The following TMEM132E variants were observed in gnomAD, a reference collection of about 807,000 sequenced individuals.
TMEM132E encodes the protein transmembrane protein 132E.
In TMEM132E, 49 loss-of-function variants were observed where a neutral mutation model predicts 78.5. The ratio of observed to expected loss-of-function variants is 0.62; its 90% confidence interval spans 0.50 to 0.79. The LOEUF (loss-of-function observed/expected upper bound fraction) is 0.79, where lower values mean the gene tolerates loss of function less well. Among genes scored for constraint, TMEM132E ranks in the 30% least tolerant of loss-of-function variants. TMEM132E has a pLI of 0.00. For missense variants in TMEM132E, 1,403 were observed against 1,470.9 expected, an observed-to-expected ratio of 0.95 and a Z score of 0.75; for synonymous variants, 715 against 670.6, an observed-to-expected ratio of 1.07 and a Z score of -1.02.
intron 1 of TMEM132E, among the ~76,000 whole-genome samples, chr17:34,608,256 A>G (rs943899259): frequency 6.6e-6 from 1 of 152,172 alleles, no homozygotes; most frequent in Non-Finnish European, 1.5e-5. Context: ...AGGGATGAAA[A>G]CCAAATATAT....
Position 34,626,786 on chromosome 17 carries a change from G to A in TMEM132E, c.727G>A (p.Gly243Arg). 6.7e-7 allele frequency: 1 copy of A among 1,497,514 alleles called. No individual in the cohort carries two copies. The highest frequency in any genetic ancestry group is 8.9e-7 in the Non-Finnish European group (1 of 1,121,252). 92.8% of individuals were successfully genotyped at this position (1,497,514 alleles called of 1,614,324 possible). ...YYTLHAPDAS[G>R]GCGGSRRGAG... is the part of the protein sequence containing the mutation. ...CACGCTCCACGCCCCTGATGCGTCG[G>A]GGGGCTGCGGGGGCTCCCGCCGGGG... is the stretch of plus-strand genomic sequence containing the variant. Residue 243 changes from glycine (G) to arginine (R), a missense_variant, in exon 2 of 9, where the codon GGG (glycine) becomes AGG (arginine). This residue lies in a region of TMEM132E where 511 missense variants were observed against 499.0 expected (regional missense o/e 1.02). Transcript: ENST00000631683.
chr17:34,638,258 C>G lies in TMEM132E; in HGVS notation c.*26C>G, dbSNP rs751986957. On this transcript the variant is annotated 3_prime_UTR_variant, in exon 9 of 9. Coordinates refer to ENST00000631683, the MANE Select transcript of TMEM132E (RefSeq NM_001304438.2). Reference sequence around the variant, plus strand: ...AGGCGCCAGCCGGAGTAGCAGGGACCCCCCCCCCCAACGGGGTCAGCTCGG... The same window carrying G: ...AGGCGCCAGCCGGAGTAGCAGGGACGCCCCCCCCCAACGGGGTCAGCTCGG... 11 of 1,411,042 alleles carry G rather than the reference C, an allele frequency of 7.8e-6. No individual in the cohort carries two copies. Among genetic ancestry groups the G allele is most frequent in the African/African-American group, 1.6e-5 (1 of 62,142 alleles). The allele number at this position is 1,411,042 out of a possible 1,614,324, so 87.4% of individuals were successfully genotyped here.
chr17:34,637,223 C>T lies in TMEM132E; in HGVS notation c.2216C>T (p.Ala739Val). ...LWLSYSDGTT[A>V]PLSLYSPRDY... ...CTCTCCTACAGTGATGGCACCACAG[C>T]CCCACTCTCCCTCTACAGCCCACGA... The change falls in exon 9 of 9, where the codon GCC (alanine) becomes GTC (valine). Residue 739 changes from alanine to valine, a missense_variant. Around this residue, in one of 3 missense-constraint regions of TMEM132E, gnomAD observed 888 missense variants for 952.8 expected, o/e 0.93. Coordinates refer to ENST00000631683, the MANE Select transcript of TMEM132E (RefSeq NM_001304438.2). The T allele has an allele frequency of 1.2e-6, 2 of 1,612,334 alleles. No homozygotes were observed. Among genetic ancestry groups the T allele is most frequent in the African/African-American group, 1.3e-5 (1 of 75,028 alleles).
chr17:34,636,640 G>T (rs925592614), intron 8 of TMEM132E, among the ~76,000 whole-genome samples: 1 of 152,142 alleles, frequency 6.6e-6, no homozygotes, highest in Non-Finnish European at 1.5e-5. Context: ...CCCGGAGTTA[G>T]GACACGGGTC....
intron 6 of TMEM132E, among the ~76,000 whole-genome samples, chr17:34,633,257 G>C (rs1907411089): frequency 1.3e-5 from 2 of 152,268 alleles, no homozygotes; most frequent in Non-Finnish European, 2.9e-5. Flanking sequence ...AGTCAAGGCA[G>C]GCTTCCTGGA....
intron 1 of TMEM132E, among the ~76,000 whole-genome samples, chr17:34,625,773 A>G (rs1907096546): frequency 6.6e-6 from 1 of 152,220 alleles, no homozygotes; most frequent in Non-Finnish European, 1.5e-5. Context: ...TTTGAGGCAG[A>G]AACAATTTTT....
intron 1 of TMEM132E, among the ~76,000 whole-genome samples, chr17:34,620,367 T>G (rs1906919651): frequency 1.3e-5 from 2 of 152,266 alleles, no homozygotes; most frequent in South Asian, 2.1e-4. Context: ...GTATTATATA[T>G]AGAGGCCCTG....
At chr17:34,584,365 C>T (rs934283082) in intron 1 of TMEM132E, among the ~76,000 whole-genome samples, 13 of 152,212 alleles carry the variant, frequency 8.5e-5, no homozygotes, top group East Asian at 1.9e-4. Context: ...AGGGAGCCTC[C>T]GTAGATTACC....
chr17:34,636,079 A>G lies in TMEM132E; in HGVS notation c.2050A>G (p.Thr684Ala). Residue 684 changes from threonine (T) to alanine (A), a missense_variant, in exon 8 of 9, where the codon ACA becomes GCA. Coordinates refer to ENST00000631683, the MANE Select transcript of TMEM132E (RefSeq NM_001304438.2). ...LTVTEEKVSI[T>A]QLQAQVVASL... ...GGTGACTGAGGAGAAGGTCAGCATCACACAGCTTCAGGCCCAGGTGGTGGC... is the reference window on the plus strand; with the variant it reads ...GGTGACTGAGGAGAAGGTCAGCATCGCACAGCTTCAGGCCCAGGTGGTGGC... The G allele has an allele frequency of 1.9e-6, 3 of 1,593,194 alleles. No individual in the cohort carries two copies. The South Asian group carries it at 3.4e-5, about 18-fold the overall frequency.
chr17:34,624,716 C>A (rs1212391571), intron 1 of TMEM132E, among the ~76,000 whole-genome samples: 2 of 152,082 alleles, frequency 1.3e-5, no homozygotes, highest in Non-Finnish European at 2.9e-5. Context: ...GATCCTGACG[C>A]CTTGTGTAGG....
At chr17:34,600,755 C>A (rs1906214209) in intron 1 of TMEM132E, among the ~76,000 whole-genome samples, 1 of 152,152 alleles carries the variant, frequency 6.6e-6, no homozygotes, top group African/African-American at 2.4e-5. Flanking sequence ...GTACCCAGAG[C>A]AGCAGGGCAC....
intron 1 of TMEM132E, among the ~76,000 whole-genome samples, chr17:34,614,034 T>C (rs917877368): frequency 6.6e-6 from 1 of 152,076 alleles, no homozygotes; most frequent in African/African-American, 2.4e-5. Flanking sequence ...CTCGTGGTCA[T>C]CCTGAGATCC....
intron 1 of TMEM132E, among the ~76,000 whole-genome samples, chr17:34,592,653 CCTACTCAT>C (rs1905913661): frequency 6.6e-6 from 1 of 152,196 alleles, no homozygotes; most frequent in Non-Finnish European, 1.5e-5. Context: ...AGAAGAAAAA[CCTACTCAT>C]CTTGCAGGGT....
intron 1 of TMEM132E, among the ~76,000 whole-genome samples, chr17:34,618,480 C>T (rs1237731574): frequency 6.6e-6 from 1 of 151,748 alleles, no homozygotes; most frequent in East Asian, 1.9e-4. Context: ...GATCCTCCCT[C>T]CTGAGCCTCC....
chr17:34,580,979 G>C lies in TMEM132E; in HGVS notation c.-98G>C, dbSNP rs1437895939. The C allele has an allele frequency of 2.1e-6, 2 of 961,926 alleles. No homozygotes were observed. The highest frequency in any genetic ancestry group is 5.9e-5 in the East Asian group (2 of 33,924). The allele number at this position is 961,926 out of a possible 1,614,324, so 59.6% of individuals were successfully genotyped here. A position where few individuals can be genotyped will look rare whatever the true frequency, so the allele number is the denominator to read the frequency against. The stretch of plus-strand genomic sequence containing the variant: ...GGAGCTGCATCTGAGACAGCCGGGC[G>C]CCACGGCAGCCCTGAGTTGGATGTG... On this transcript the variant is annotated 5_prime_UTR_variant, in exon 1 of 9. Coordinates refer to ENST00000631683, the MANE Select transcript of TMEM132E (RefSeq NM_001304438.2).
At chr17:34,590,257 C>T (rs1237926160) in intron 1 of TMEM132E, among the ~76,000 whole-genome samples, 1 of 152,080 alleles carries the variant, frequency 6.6e-6, no homozygotes, top group Admixed American at 6.6e-5. Context: ...CAGGAATCCT[C>T]CCCCCCGGAG....
At chr17:34,601,983 A>C (rs1906256199) in intron 1 of TMEM132E, among the ~76,000 whole-genome samples, 1 of 152,210 alleles carries the variant, frequency 6.6e-6, no homozygotes, top group Non-Finnish European at 1.5e-5. Flanking sequence ...TTGGACTCAC[A>C]GTCTAGTGCT....
At chr17:34,635,576 T>G (rs1455247105) in intron 7 of TMEM132E, among the ~76,000 whole-genome samples, 5 of 152,228 alleles carry the variant, frequency 3.3e-5, no homozygotes, top group Admixed American at 2.6e-4. Context: ...AAAAAATATA[T>G]AGAGATTTCT....
At chr17:34,625,367 G>A (rs1013429676) in intron 1 of TMEM132E, among the ~76,000 whole-genome samples, 1 of 151,850 alleles carries the variant, frequency 6.6e-6, no homozygotes, top group African/African-American at 2.4e-5. Flanking sequence ...AAGGGAGAGA[G>A]CTGGATCCCT....
Sources: gnomAD v4.1 joint callset for allele counts (sites outside exome capture counted in the v4.1 genomes callset) on GRCh38, gnomAD v4.1.1 for gene constraint, gnomAD v4.1.1 regional missense constraint, MANE v1.5 for transcripts, NCBI Gene and HGNC (gene_info 2026-07-23, HGNC 2026-07-21) for gene names.